Variants in HOXB3 observed in about 807,000 individuals in gnomAD.
The protein encoded by HOXB3 is homeobox B3.
In HOXB3, 17 loss-of-function variants were observed where a neutral mutation model predicts 29.2. The observed-to-expected ratio is 0.58, with a 90% CI of 0.40 to 0.87. The LOEUF is 0.87. Among genes scored for constraint, HOXB3 ranks in the 40% least tolerant of loss-of-function variants. HOXB3 has a pLI of 0.00. For missense variants in HOXB3, 637 were observed against 616.3 expected, an observed-to-expected ratio of 1.03 and a Z score of -0.35; for synonymous variants, 317 against 285.9, an observed-to-expected ratio of 1.11 and a Z score of -1.10.
At chr17:48,563,036 G>A (rs112909354) in intron 2 of HOXB3, among the ~76,000 whole-genome samples, 1,785 of 152,246 alleles carry the variant, frequency 0.012, 26 homozygotes, top group Non-Finnish European at 0.017. Flanking sequence ...TCAAACCACG[G>A]ATCTCCCCGA....
chr17:48,586,865 G>T (rs1170415731), intron 1 of HOXB3, among the ~76,000 whole-genome samples: 1 of 152,176 alleles, frequency 6.6e-6, no homozygotes, highest in East Asian at 1.9e-4. Flanking sequence ...CTACCTTTGA[G>T]AAGTCGAAAG....
At chr17:48,558,657 G>A (rs2069086655) in intron 2 of HOXB3, among the ~76,000 whole-genome samples, 1 of 152,148 alleles carries the variant, frequency 6.6e-6, no homozygotes, top group South Asian at 2.1e-4. Flanking sequence ...TTTGGACTGA[G>A]GTGTTGCTGC....
At chr17:48,579,566 G>A (rs1422590190) in intron 1 of HOXB3, 3 of 152,722 alleles carry the variant, frequency 2.0e-5, no homozygotes, top group African/African-American at 7.2e-5. Flanking sequence ...GCCCAGAATA[G>A]AAAATGGGTG....
chr17:48,584,022 A>G (rs1436077859), intron 1 of HOXB3, among the ~76,000 whole-genome samples: 1 of 152,248 alleles, frequency 6.6e-6, no homozygotes, highest in African/African-American at 2.4e-5. Context: ...AAGAGCAGAT[A>G]ATGACATCTC....
chr17:48,558,698 A>G (rs1245572513), intron 2 of HOXB3, among the ~76,000 whole-genome samples: 3 of 152,068 alleles, frequency 2.0e-5, no homozygotes, highest in African/African-American at 7.2e-5. Context: ...TTCAGGGGAT[A>G]AAGGCTGGTA....
intron 1 of HOXB3, chr17:48,577,062 G>GC: frequency 6.6e-7 from 1 of 1,510,310 alleles, no homozygotes; most frequent in East Asian, 2.3e-5. Context: ...AAGTTTTATT[G>GC]CCCCCGAAAG....
intron 2 of HOXB3, among the ~76,000 whole-genome samples, chr17:48,556,252 C>T (rs531975093): frequency 2.0e-5 from 3 of 152,122 alleles, no homozygotes; most frequent in South Asian, 4.1e-4. Flanking sequence ...ACAGCTCCCC[C>T]CATACCCCAC....
At chr17:48,576,927 T>G in intron 1 of HOXB3, 1 of 1,614,028 alleles carries the variant, frequency 6.2e-7, no homozygotes. Context: ...CAGGTAGCGG[T>G]TGTAGTGAAA....
In HOXB3 at chr17:48,550,492, G is replaced by A; in HGVS notation, c.1138C>T (p.Pro380Ser). 1 of 1,606,140 alleles carries A rather than the reference G, an allele frequency of 6.2e-7. No individual in the cohort carries two copies. The highest frequency in any genetic ancestry group is 8.5e-7 in the Non-Finnish European group (1 of 1,178,172). ...LYGLNHLSHH[P>S]SGNLDYNGAP... ...CCGTTGTAGTCCAGGTTCCCGGAAG[G>A]GTGATGGGAAAGGTGGTTGAGGCCA... The change falls in exon 5 of 5, where the codon CCT (proline) becomes TCT (serine). Residue 380 changes from proline (P) to serine (S), a missense_variant. Transcript: ENST00000498678.
intron 2 of HOXB3, among the ~76,000 whole-genome samples, chr17:48,565,460 TG>T (rs1318650233): frequency 2.0e-5 from 3 of 152,242 alleles, no homozygotes; most frequent in African/African-American, 7.2e-5. Flanking sequence ...CCAAAGGGTT[TG>T]GGCTTTTTTT....
chr17:48,558,502 G>A (rs2144787400), intron 2 of HOXB3, among the ~76,000 whole-genome samples: 1 of 152,260 alleles, frequency 6.6e-6, no homozygotes, highest in Middle Eastern at 3.4e-3. Context: ...GGAATACTTG[G>A]GAGGCAATTA....
chr17:48,555,250 A>T lies in HOXB3; in HGVS notation c.-159+281T>A, dbSNP rs2068917416. ...GACTTTCTTAGCAGCCGCGGAGAAA[A>T]TTCAGCCCTGGATCTGGCTGCTGAA... On this transcript the variant is annotated intron_variant, in intron 3 of 4. Transcript: ENST00000498678. The T allele has an allele frequency of 9.6e-6, 5 of 522,306 alleles. No homozygotes were observed. The South Asian group carries it at 1.2e-4, about 12-fold the overall frequency. The allele number at this position is 522,306 out of a possible 1,614,324, so 32.4% of individuals were successfully genotyped here.
intron 1 of HOXB3, among the ~76,000 whole-genome samples, chr17:48,589,151 G>A (rs2070100770): frequency 6.6e-6 from 1 of 152,164 alleles, no homozygotes; most frequent in Non-Finnish European, 1.5e-5. Flanking sequence ...CTGGTTTATG[G>A]TTCTACAAAA....
At chr17:48,562,995 T>C (rs1002249522) in intron 2 of HOXB3, among the ~76,000 whole-genome samples, 1 of 152,194 alleles carries the variant, frequency 6.6e-6, no homozygotes, top group African/African-American at 2.4e-5. Flanking sequence ...CGAGCAGTAA[T>C]GGTGGGACAC....
chr17:48,551,906 G>C, intron 4 of HOXB3, 121 bp downstream of exon 4: 1 of 897,312 alleles, frequency 1.1e-6, no homozygotes, highest in Non-Finnish European at 1.7e-6. Context: ...AAATGTACCC[G>C]CTGGCCACCT....
In HOXB3 at chr17:48,551,111, G is replaced by A; in HGVS notation, c.519C>T (p.Gly173=). The part of the protein sequence containing the change: ...GGSGGSGGGG[G]GGGGGDKSPP... ...GGCTCTTGTCCCCTCCCCCGCCGCC[G>A]CCGCCACCGCCCCCGCTGCCACCAC... The change falls in exon 5 of 5, where the codon GGC becomes GGT. Residue 173 remains glycine, a synonymous_variant. Transcript: ENST00000498678. 1.5e-6 allele frequency: 2 copies of A among 1,352,792 alleles called. No homozygotes were observed. Among genetic ancestry groups the A allele is most frequent in the South Asian group, 4.0e-5 (2 of 49,554 alleles). The allele number at this position is 1,352,792 out of a possible 1,614,324, so 83.8% of individuals were successfully genotyped here. A position where few individuals can be genotyped will look rare whatever the true frequency, so the allele number is the denominator to read the frequency against.
In HOXB3 at chr17:48,551,102, C is replaced by A; in HGVS notation, c.528G>T (p.Gly176=). The A allele has an allele frequency of 7.2e-7, 1 of 1,382,798 alleles. No individual in the cohort carries two copies. The highest frequency in any genetic ancestry group is 9.4e-7 in the Non-Finnish European group (1 of 1,065,910). The allele number at this position is 1,382,798 out of a possible 1,614,324, so 85.7% of individuals were successfully genotyped here. ...ACCCCGGGGGGCTCTTGTCCCCTCC[C>A]CCGCCGCCGCCGCCACCGCCCCCGC... The part of the protein sequence containing the change: ...GGSGGGGGGG[G]GGDKSPPGSA... Residue 176 remains glycine (G), a synonymous_variant, in exon 5 of 5, where the codon GGG becomes GGT. Coordinates refer to ENST00000498678, the MANE Select transcript of HOXB3 (RefSeq NM_001384749.1).
chr17:48,565,099 A>C (rs1212678967), intron 2 of HOXB3, among the ~76,000 whole-genome samples: 1 of 152,142 alleles, frequency 6.6e-6, no homozygotes, highest in Non-Finnish European at 1.5e-5. Context: ...TCCCTAGAGA[A>C]AAAAAGAGAC....
intron 1 of HOXB3, among the ~76,000 whole-genome samples, chr17:48,585,907 G>A (rs1020314138): frequency 6.6e-6 from 1 of 152,126 alleles, no homozygotes; most frequent in South Asian, 2.1e-4. Flanking sequence ...ACTGGCCTGG[G>A]TCATCTTTTG....
Sources: allele counts gnomAD v4.1 joint callset (sites outside exome capture counted in the v4.1 genomes callset), GRCh38; gene constraint gnomAD v4.1.1; transcripts MANE v1.5; gene names NCBI Gene and HGNC (gene_info 2026-07-23, HGNC 2026-07-21).